PPFIA2: variants seen among roughly 807,000 people sequenced by gnomAD.
PPFIA2 encodes the protein liprin-alpha-2.
PPFIA2 carries 46 observed loss-of-function variants against 175.5 expected under a neutral mutation model. The ratio of observed to expected loss-of-function variants is 0.26; its 90% CI spans 0.21 to 0.34. The LOEUF (loss-of-function observed/expected upper bound fraction) is 0.34. PPFIA2 is among the 10% of genes least tolerant of loss of function. PPFIA2 has a pLI of 1.00. For synonymous variants in PPFIA2, 568 were observed against 511.4 expected, an observed-to-expected ratio of 1.11 and a Z score of -1.49; for missense variants, 1,179 against 1,506.1, an observed-to-expected ratio of 0.78 and a Z score of 3.60.
At chr12:81,351,739 A>T (rs960348965) in intron 17 of PPFIA2, among the ~76,000 whole-genome samples, 8 of 119,656 alleles carry the variant, frequency 6.7e-5, no homozygotes, top group South Asian at 2.6e-4. Flanking sequence ...ACAAAAAATT[A>T]AAAAAAAAAA....
chr12:81,584,739 C>T (rs1299968794), intron 4 of PPFIA2, among the ~76,000 whole-genome samples: 1 of 141,248 alleles, frequency 7.1e-6, no homozygotes, highest in Non-Finnish European at 1.5e-5. Context: ...ATATATAAGG[C>T]CTATCTAAAA....
At chr12:81,329,259 A>C (rs1348009742) in intron 21 of PPFIA2, among the ~76,000 whole-genome samples, 1 of 152,154 alleles carries the variant, frequency 6.6e-6, no homozygotes, top group Admixed American at 6.6e-5. Context: ...CTTGGGCTTG[A>C]AGGTTTGAGT....
intron 4 of PPFIA2, chr12:81,597,867 T>A: frequency 4.5e-6 from 6 of 1,337,560 alleles, no homozygotes; most frequent in African/African-American, 1.5e-5. Flanking sequence ...CCTTTTTAAG[T>A]CTTTCTTCCT....
chr12:81,713,143 A>G lies in PPFIA2; in HGVS notation c.250-36299T>C, dbSNP rs532212351. Among the ~76,000 whole-genome samples, 354 of 151,346 alleles carry G rather than the reference A, an allele frequency of 2.3e-3. 2 individuals carry two copies. Among genetic ancestry groups the G allele is most frequent in the African/African-American group, 8.2e-3 (342 of 41,482 alleles). ...TAATACTTTAGTACAAAATTATTAG[A>G]AAATATGATAAATAATAATACAGCT... On this transcript the variant is annotated intron_variant, in intron 3 of 32. Coordinates refer to ENST00000549396, the MANE Select transcript of PPFIA2 (RefSeq NM_003625.5).
chr12:81,458,713 G>C (rs2054014908), intron 4 of PPFIA2, among the ~76,000 whole-genome samples: 1 of 152,098 alleles, frequency 6.6e-6, no homozygotes, highest in Admixed American at 6.6e-5. Context: ...TTAACACACA[G>C]AAAAGGTTAT....
At chr12:81,272,176 A>G (rs2039308099) in intron 28 of PPFIA2, among the ~76,000 whole-genome samples, 1 of 152,064 alleles carries the variant, frequency 6.6e-6, no homozygotes, top group African/African-American at 2.4e-5. Flanking sequence ...CAGTAGCTCT[A>G]TTGTAATGTG....
chr12:81,705,369 T>C (rs965909483), intron 3 of PPFIA2, among the ~76,000 whole-genome samples: 7 of 145,708 alleles, frequency 4.8e-5, no homozygotes, highest in African/African-American at 1.5e-4. Context: ...GGCAGGAGAA[T>C]GGCATGAACC....
intron 4 of PPFIA2, among the ~76,000 whole-genome samples, chr12:81,462,598 A>ATG (rs1253801248): frequency 7.0e-6 from 1 of 143,786 alleles, no homozygotes; most frequent in African/African-American, 2.5e-5. Flanking sequence ...ATATATATAT[A>ATG]TATATATATA....
intron 3 of PPFIA2, among the ~76,000 whole-genome samples, chr12:81,699,798 A>G (rs1358863490): frequency 2.6e-5 from 4 of 152,018 alleles, no homozygotes; most frequent in Admixed American, 2.6e-4. Context: ...CTATCTCTCT[A>G]GTCCATGTAG....
At chr12:81,387,597 T>G (rs892390055) in intron 8 of PPFIA2, among the ~76,000 whole-genome samples, 1 of 152,166 alleles carries the variant, frequency 6.6e-6, no homozygotes, top group African/African-American at 2.4e-5. Flanking sequence ...TAAAGTTGAC[T>G]AGAGGAATTT....
At chr12:81,381,404 T>TTAAAAA (rs1163571520) in intron 9 of PPFIA2, among the ~76,000 whole-genome samples, 1 of 152,134 alleles carries the variant, frequency 6.6e-6, no homozygotes, top group African/African-American at 2.4e-5. Context: ...AAGGAGTTAT[T>TTAAAAA]TTTAAATAGG....
chr12:81,639,334 C>A (rs7131731), intron 4 of PPFIA2, among the ~76,000 whole-genome samples: 1 of 151,764 alleles, frequency 6.6e-6, no homozygotes, highest in Non-Finnish European at 1.5e-5. Flanking sequence ...AGAAAAACAA[C>A]ATTTAGCACA....
chr12:81,539,239 G>A (rs1242779086), intron 4 of PPFIA2, among the ~76,000 whole-genome samples: 1 of 151,906 alleles, frequency 6.6e-6, no homozygotes, highest in Non-Finnish European at 1.5e-5. Flanking sequence ...GAGAGGTTGG[G>A]TAGACATTTG....
chr12:81,273,887 C>T (rs1476125892), intron 28 of PPFIA2, among the ~76,000 whole-genome samples: 2 of 151,346 alleles, frequency 1.3e-5, no homozygotes, highest in African/African-American at 2.4e-5. Context: ...CTCCCCGCCC[C>T]CCCCCAAACC....
intron 4 of PPFIA2, among the ~76,000 whole-genome samples, chr12:81,523,059 C>A (rs574687865): frequency 1.3e-5 from 2 of 152,046 alleles, no homozygotes; most frequent in Admixed American, 6.6e-5. Context: ...GTTTTTTTGG[C>A]CAGGCCAGAA....
At chr12:81,392,511 G>T (rs1157937892) in intron 8 of PPFIA2, among the ~76,000 whole-genome samples, 1 of 151,822 alleles carries the variant, frequency 6.6e-6, no homozygotes, top group Non-Finnish European at 1.5e-5. Context: ...CGTCAAAGAT[G>T]ACTAATAACG....
Position 81,704,766 on chromosome 12 carries a change from A to G in PPFIA2, c.250-27922T>C, listed in dbSNP as rs1596561053. On this transcript the variant is annotated intron_variant, in intron 3 of 32. Coordinates refer to ENST00000549396, the MANE Select transcript of PPFIA2 (RefSeq NM_003625.5). ...ATTACTTGAGGATAGCAACTTAAAT[A>G]TAATATATAAATATTTATTAAGAAC... Among the ~76,000 whole-genome samples the G allele has an allele frequency of 2.0e-5, 3 of 152,162 alleles. No homozygotes were observed. The South Asian group carries it at 6.2e-4, about 32-fold the overall frequency.
chr12:81,471,122 T>TA (rs2056647210), intron 4 of PPFIA2: 1 of 145,522 alleles, frequency 6.9e-6, no homozygotes, highest in Admixed American at 6.8e-5. Context: ...TTTATTTATT[T>TA]ATTTATTTAT....
chr12:81,572,022 C>G lies in PPFIA2; in HGVS notation c.303+104769G>C, dbSNP rs545728985. ...ATATGCAAGAGCACTGAAGAGAGAACCTGTTTTAGGGTATCCCCCAGGACA... is the reference window on the plus strand; with the variant it reads ...ATATGCAAGAGCACTGAAGAGAGAAGCTGTTTTAGGGTATCCCCCAGGACA... On this transcript the variant is annotated intron_variant, in intron 4 of 32. Coordinates refer to ENST00000549396, the MANE Select transcript of PPFIA2 (RefSeq NM_003625.5). Among the ~76,000 whole-genome samples the G allele has an allele frequency of 3.9e-5, 6 of 152,114 alleles. No homozygotes were observed. The South Asian group carries it at 1.2e-3, about 32-fold the overall frequency.
Sources: allele counts gnomAD v4.1 joint callset (sites outside exome capture counted in the v4.1 genomes callset), GRCh38; gene constraint gnomAD v4.1.1; transcripts MANE v1.5; gene names NCBI Gene and HGNC (gene_info 2026-07-23, HGNC 2026-07-21).